The following XPO7 variants were observed in gnomAD, a reference collection of about 807,000 sequenced individuals.
XPO7 encodes exportin-7.
In XPO7, 21 loss-of-function variants were observed where a neutral mutation model predicts 144.3. That is an observed-to-expected ratio of 0.15 (90% confidence interval 0.10 to 0.21). XPO7 has a LOEUF of 0.21. XPO7 is among the 10% of genes least tolerant of loss of function. XPO7 has a pLI of 1.00. For synonymous variants in XPO7, 580 were observed against 499.6 expected, an observed-to-expected ratio of 1.16 and a Z score of -2.15; for missense variants, 808 against 1,325.8, an observed-to-expected ratio of 0.61 and a Z score of 6.06.
chr8:21,961,442 C>G (rs1269619035), intron 1 of XPO7, among the ~76,000 whole-genome samples: 2 of 152,022 alleles, frequency 1.3e-5, no homozygotes, highest in African/African-American at 4.8e-5. Context: ...TTCTGAACTC[C>G]TGGGCTCAAG....
chr8:21,949,610 T>G (rs1811304240), intron 1 of XPO7, among the ~76,000 whole-genome samples: 1 of 152,224 alleles, frequency 6.6e-6, no homozygotes, highest in African/African-American at 2.4e-5. Flanking sequence ...ACCTATAGTG[T>G]TAAAGGCCAC....
intron 18 of XPO7, among the ~76,000 whole-genome samples, chr8:21,991,402 C>T (rs563149427): frequency 3.3e-5 from 5 of 152,122 alleles, no homozygotes; most frequent in African/African-American, 9.7e-5. Flanking sequence ...ACTCTAATTT[C>T]GAGCTGTTTA....
At chr8:22,003,110 A>G (rs1223810511) in intron 25 of XPO7, 109 bp from the exon 26 acceptor site, 3 of 692,780 alleles carry the variant, frequency 4.3e-6, no homozygotes, top group Admixed American at 3.1e-5. Context: ...GATTTACCCT[A>G]TACAGAAAAG....
rs1563321067 is a variant in XPO7 at position 21,957,636 on chromosome 8, T to C, written c.19-9221T>C. Among the ~76,000 whole-genome samples the C allele has an allele frequency of 3.3e-5, 5 of 152,188 alleles. No individual in the cohort carries two copies. The South Asian group carries it at 1.0e-3, about 31-fold the overall frequency. On this transcript the variant is annotated intron_variant, in intron 1 of 27. Coordinates refer to ENST00000252512, the MANE Select transcript of XPO7 (RefSeq NM_015024.5). ...GGTTTGGGGAGGGAACAAAATTAGATATGTGATCAATCTGCCATTTTAATA... is the reference window on the plus strand; with the variant it reads ...GGTTTGGGGAGGGAACAAAATTAGACATGTGATCAATCTGCCATTTTAATA...
rs774556958 is a variant in XPO7, at chr8:21,976,526, CAG to C, written c.763+7_763+8del. On this transcript the variant is annotated splice_donor_region_variant and intron_variant, in intron 7 of 27. Coordinates refer to ENST00000252512, the MANE Select transcript of XPO7 (RefSeq NM_015024.5). ...TTCCCACCAGCTGGAGATCAGGTAA[CAG>C]AACTTCCTCCACCTCAAAGGCTGTC... The C allele has an allele frequency of 2.4e-5, 39 of 1,608,688 alleles. No individual in the cohort carries two copies. The East Asian group carries it at 7.6e-4, about 31-fold the overall frequency.
intron 13 of XPO7, among the ~76,000 whole-genome samples, chr8:21,986,400 G>A (rs543397674): frequency 6.6e-6 from 1 of 152,202 alleles, no homozygotes; most frequent in Admixed American, 6.5e-5. Flanking sequence ...TGATCCACCT[G>A]CCTTGGCCTC....
intron 1 of XPO7, among the ~76,000 whole-genome samples, chr8:21,927,835 G>A (rs1052710293): frequency 1.3e-5 from 2 of 152,078 alleles, no homozygotes; most frequent in African/African-American, 2.4e-5. Context: ...GTGAGCCACC[G>A]CACCTGGCTG....
chr8:21,960,525 A>G (rs1230320794), intron 1 of XPO7, among the ~76,000 whole-genome samples: 1 of 152,254 alleles, frequency 6.6e-6, no homozygotes, highest in Non-Finnish European at 1.5e-5. Context: ...ATTACCCACA[A>G]CACAAAGATC....
chr8:21,998,017 C>T (rs937047567), intron 21 of XPO7, among the ~76,000 whole-genome samples: 4 of 152,202 alleles, frequency 2.6e-5, no homozygotes, highest in African/African-American at 9.7e-5. Flanking sequence ...CCCTATGCAT[C>T]TTTTCTTCAT....
At position 21,995,516 on chromosome 8, in the gene XPO7, C is replaced by G. The variant is rs911517796; in HGVS notation, c.2262C>G (p.Leu754=). 9.3e-6 allele frequency: 15 copies of G among 1,609,388 alleles called. No individual in the cohort carries two copies. The highest frequency in any genetic ancestry group is 1.3e-5 in the Non-Finnish European group (15 of 1,177,766). The change falls in exon 21 of 28, where the codon CTC becomes CTG. Residue 754 remains leucine (L), a synonymous_variant. Coordinates refer to ENST00000252512, the MANE Select transcript of XPO7 (RefSeq NM_015024.5). ...EWIYPSYMPI[L]QRAIELWYHD... ...GATATCCATCCTATATGCCAATTCT[C>G]CAACGGGCAATTGAGCTCTGGTACC...
chr8:21,995,840 G>A (rs950496516), intron 21 of XPO7, among the ~76,000 whole-genome samples: 7 of 151,736 alleles, frequency 4.6e-5, no homozygotes, highest in Admixed American at 1.3e-4. Flanking sequence ...TTTTTGAGGC[G>A]GTGTCTTGCT....
At chr8:21,980,322 T>C in intron 9 of XPO7, 119 bp downstream of exon 9, 2 of 1,253,162 alleles carry the variant, frequency 1.6e-6, no homozygotes, top group East Asian at 2.8e-5. Context: ...CAGGGAAGAC[T>C]GAAGTGAATC....
rs373808781 is a variant in XPO7 at position 21,965,663 on chromosome 8, T to C, written c.19-1194T>C. On this transcript the variant is annotated intron_variant, in intron 1 of 27. Coordinates refer to ENST00000252512, the MANE Select transcript of XPO7 (RefSeq NM_015024.5). The stretch of plus-strand genomic sequence containing the variant: ...CGTTCTTGTTTCCTTTCAGTTAGTG[T>C]TGGAAATTTATTAATCAGGTTGAGT... Among the ~76,000 whole-genome samples the C allele has an allele frequency of 7.0e-3, 1,063 of 152,318 alleles. 12 individuals carry two copies. The highest frequency in any genetic ancestry group is 0.024 in the African/African-American group (1,010 of 41,556).
intron 10 of XPO7, 120 bp downstream of exon 10, chr8:21,981,997 C>T: frequency 7.6e-7 from 1 of 1,312,390 alleles, no homozygotes. Flanking sequence ...TCCAGTATAG[C>T]CCTACAGAGT....
intron 17 of XPO7, 178 bp downstream of exon 17, chr8:21,990,585 A>G: frequency 1.3e-6 from 1 of 769,084 alleles, no homozygotes; most frequent in Non-Finnish European, 2.1e-6. Context: ...TTTGAGATCC[A>G]GATGATGTGA....
intron 21 of XPO7, among the ~76,000 whole-genome samples, chr8:21,998,530 T>C (rs954742541): frequency 6.6e-6 from 1 of 152,198 alleles, no homozygotes; most frequent in Non-Finnish European, 1.5e-5. Context: ...CTTATAAATG[T>C]TTTTAATTTG....
chr8:21,974,648 G>C, intron 5 of XPO7, 22 bp from the exon 6 acceptor site: 1 of 1,523,374 alleles, frequency 6.6e-7, no homozygotes, highest in Non-Finnish European at 8.8e-7. Flanking sequence ...TCTTTGCATT[G>C]GTTTCTTCTT....
intron 1 of XPO7, among the ~76,000 whole-genome samples, chr8:21,949,288 T>C (rs1811294133): frequency 6.6e-6 from 1 of 152,228 alleles, no homozygotes; most frequent in Non-Finnish European, 1.5e-5. Flanking sequence ...GTCATGGGGA[T>C]TCCGTTATTG....
At chr8:21,933,682 C>A (rs1335912401) in intron 1 of XPO7, among the ~76,000 whole-genome samples, 1 of 152,120 alleles carries the variant, frequency 6.6e-6, no homozygotes, top group Admixed American at 6.5e-5. Context: ...CATTTCTCTA[C>A]CAGGTCTACC....
Sources: gnomAD v4.1 joint callset for allele counts (sites outside exome capture counted in the v4.1 genomes callset) on GRCh38, gnomAD v4.1.1 for gene constraint, MANE v1.5 for transcripts, NCBI Gene and HGNC (gene_info 2026-07-23, HGNC 2026-07-21) for gene names.